SLC35F5: variants seen among roughly 807,000 people sequenced by gnomAD.
The protein encoded by SLC35F5 is HCV NS5A-transactivated protein 3.
In SLC35F5, 54 loss-of-function variants were observed where a neutral mutation model predicts 68.6. The ratio of observed to expected loss-of-function variants is 0.79; its 90% CI spans 0.63 to 0.99. The LOEUF is 0.99. Ranked by LOEUF, SLC35F5 falls within the 50% of genes least tolerant of loss-of-function variation. SLC35F5 has a pLI of 0.00. For synonymous variants in SLC35F5, 211 were observed against 205.2 expected, an observed-to-expected ratio of 1.03 and a Z score of -0.24; for missense variants, 567 against 626.9, an observed-to-expected ratio of 0.90 and a Z score of 1.02.
At position 113,723,162 on chromosome 2, in the gene SLC35F5, G is replaced by A. The variant is rs1360708570; in HGVS notation, c.1283C>T (p.Thr428Ile). Residue 428 changes from threonine to isoleucine, a missense_variant, in exon 13 of 16, where the codon ACA becomes ATA. Coordinates refer to ENST00000245680, the MANE Select transcript of SLC35F5 (RefSeq NM_025181.5). ...GCFLTSSLIGTLALSLTIPLS... is the reference protein window; with the variant it reads ...GCFLTSSLIGILALSLTIPLS... ...AGGTATTGTAAGGCTTAGTGCAAGT[G>A]TGCCTATCAATGATGAGGTAAGAAA... 7 of 1,591,072 alleles carry A rather than the reference G, an allele frequency of 4.4e-6. No individual in the cohort carries two copies. In the South Asian group the frequency reaches 8.2e-5, roughly 19 times the overall value.
intron 9 of SLC35F5, among the ~76,000 whole-genome samples, chr2:113,732,520 G>A (rs942561907): frequency 6.6e-6 from 1 of 152,100 alleles, no homozygotes; most frequent in Non-Finnish European, 1.5e-5. Context: ...ATTCCCTTAT[G>A]GAAAGATGTC....
At chr2:113,755,948 G>C in intron 1 of SLC35F5, 1 of 1,550,134 alleles carries the variant, frequency 6.5e-7, no homozygotes, top group Non-Finnish European at 8.7e-7. Context: ...AGTGGAATTT[G>C]GTTATCGGAG....
intron 3 of SLC35F5, among the ~76,000 whole-genome samples, chr2:113,753,184 T>TC (rs1311578884): frequency 5.2e-5 from 7 of 134,770 alleles, no homozygotes; most frequent in Non-Finnish European, 9.6e-5. Context: ...TTTTTTTTTT[T>TC]TTTTTTTTTT....
At chr2:113,744,465 T>C (rs1471404990) in intron 5 of SLC35F5, among the ~76,000 whole-genome samples, 2 of 152,150 alleles carry the variant, frequency 1.3e-5, no homozygotes, top group Non-Finnish European at 2.9e-5. Flanking sequence ...TTATAGAATA[T>C]GGCCGGCACA....
chr2:113,734,982 A>C (rs1011827849), intron 8 of SLC35F5, among the ~76,000 whole-genome samples: 3 of 152,202 alleles, frequency 2.0e-5, no homozygotes, highest in Non-Finnish European at 4.4e-5. Flanking sequence ...CATCATAATC[A>C]AGCCTGTGTC....
rs115149996 is a variant in SLC35F5, at chr2:113,723,942, T to C, written c.1251-748A>G. Among the ~76,000 whole-genome samples the C allele has an allele frequency of 3.3e-3, 496 of 152,292 alleles. 9 individuals are homozygous for C. The highest frequency in any genetic ancestry group is 0.011 in the African/African-American group (477 of 41,568). On this transcript the variant is annotated intron_variant, in intron 12 of 15. Transcript: ENST00000245680. Reference sequence around the variant, plus strand: ...TTTGGGCATATAAGGAGAAAATGAATTATAAGCCAAGATAAAACCATAATG... The same window carrying C: ...TTTGGGCATATAAGGAGAAAATGAACTATAAGCCAAGATAAAACCATAATG...
intron 3 of SLC35F5, among the ~76,000 whole-genome samples, chr2:113,754,849 T>C (rs946646298): frequency 6.6e-6 from 1 of 152,256 alleles, no homozygotes; most frequent in Non-Finnish European, 1.5e-5. Flanking sequence ...GTTATTTCAC[T>C]AGAAAATAAT....
intron 7 of SLC35F5, among the ~76,000 whole-genome samples, chr2:113,736,688 A>G (rs1688109945): frequency 6.6e-6 from 1 of 152,176 alleles, no homozygotes; most frequent in Admixed American, 6.5e-5. Flanking sequence ...TAATTTATTG[A>G]TTAATTGTGA....
In SLC35F5 at chr2:113,753,165, TTTC is replaced by T. The variant is rs1242194361; in HGVS notation, c.273+1997_273+1999del. Among the ~76,000 whole-genome samples, 94 of 132,056 alleles carry T rather than the reference TTTC, an allele frequency of 7.1e-4. 4 individuals are homozygous for T. In the East Asian group the frequency reaches 9.3e-3, roughly 13 times the overall value. 86.6% of individuals were successfully genotyped at this position (132,056 alleles called of 152,430 possible). ...ACACACTTTATCTCCAAAGTTTGTT[TTTC>T]TTTTTTTTTTTTTTTTTTTTTTTTT... is the stretch of plus-strand genomic sequence containing the variant. On this transcript the variant is annotated intron_variant, in intron 3 of 15. Transcript: ENST00000245680.
intron 10 of SLC35F5, among the ~76,000 whole-genome samples, chr2:113,730,644 G>A (rs1687846138): frequency 6.6e-6 from 1 of 152,180 alleles, no homozygotes; most frequent in South Asian, 2.1e-4. Flanking sequence ...ATGCTGCCCA[G>A]GCTGGTATTG....
rs562443908 is a variant in SLC35F5 at position 113,734,758 on chromosome 2, C to A, written c.833-85G>T. 3.0e-5 allele frequency: 22 copies of A among 735,844 alleles called. No individual in the cohort carries two copies. The African/African-American group carries it at 3.2e-4, about 11-fold the overall frequency. The allele number at this position is 735,844 out of a possible 1,614,324, so 45.6% of individuals were successfully genotyped here. On this transcript the variant is annotated intron_variant, in intron 8 of 15. Coordinates refer to ENST00000245680, the MANE Select transcript of SLC35F5 (RefSeq NM_025181.5). Reference sequence around the variant, plus strand: ...CTACCAACTTCATTGTTTAAATAAGCAAATTATATACCTACCTTTCAAATT... The same window carrying A: ...CTACCAACTTCATTGTTTAAATAAGAAAATTATATACCTACCTTTCAAATT...
intron 4 of SLC35F5, among the ~76,000 whole-genome samples, chr2:113,747,977 A>C (rs1249392972): frequency 2.0e-5 from 3 of 152,068 alleles, no homozygotes; most frequent in African/African-American, 7.2e-5. Context: ...CTGTAATCCC[A>C]GCTACTTAGG....
chr2:113,720,219 A>C (rs1380878512), intron 13 of SLC35F5, among the ~76,000 whole-genome samples: 1 of 151,982 alleles, frequency 6.6e-6, no homozygotes, highest in Non-Finnish European at 1.5e-5. Flanking sequence ...TCAACCACTG[A>C]GACTTAAGTG....
Position 113,729,488 on chromosome 2 carries a change from C to T in SLC35F5, c.1003G>A (p.Ala335Thr). ...RDTVGSIWSL[A>T]GAMLYAVYIV... is the part of the protein sequence containing the mutation. ...TAGACAGCATAGAGCATGGCTCCAG[C>T]AAGAGACCAAATGGAACCTGTAAAA... is the stretch of plus-strand genomic sequence containing the variant. Residue 335 changes from alanine (A) to threonine (T), a missense_variant, in exon 11 of 16, where the codon GCT (alanine) becomes ACT (threonine). Coordinates refer to ENST00000245680, the MANE Select transcript of SLC35F5 (RefSeq NM_025181.5). The T allele has an allele frequency of 6.3e-7, 1 of 1,587,074 alleles. No individual in the cohort carries two copies. Among genetic ancestry groups the T allele is most frequent in the Non-Finnish European group, 8.6e-7 (1 of 1,165,650 alleles).
intron 1 of SLC35F5, chr2:113,756,128 T>C: frequency 2.8e-6 from 4 of 1,445,752 alleles, no homozygotes; most frequent in Non-Finnish European, 3.6e-6. Flanking sequence ...GGAAGACAGT[T>C]AAGGCAGCGA....
At chr2:113,722,039 A>T (rs187495638) in intron 13 of SLC35F5, among the ~76,000 whole-genome samples, 1,505 of 129,900 alleles carry the variant, frequency 0.012, 23 homozygotes, top group Non-Finnish European at 0.014. Flanking sequence ...CAGTGGCATG[A>T]TCTTGGCTCA....
chr2:113,748,719 C>G (rs887312722), intron 4 of SLC35F5, among the ~76,000 whole-genome samples: 2 of 152,100 alleles, frequency 1.3e-5, no homozygotes, highest in Admixed American at 1.3e-4. Context: ...AAAATACATA[C>G]TCATATTTTT....
intron 7 of SLC35F5, among the ~76,000 whole-genome samples, chr2:113,737,377 A>G (rs1219884374): frequency 6.6e-6 from 1 of 152,202 alleles, no homozygotes; most frequent in African/African-American, 2.4e-5. Flanking sequence ...CAATCCTTTG[A>G]TTTCCTAGAT....
intron 15 of SLC35F5, 130 bp downstream of exon 15, chr2:113,717,623 G>A (rs767508871): frequency 1.8e-6 from 1 of 570,864 alleles, no homozygotes. Flanking sequence ...CGGAACTGGA[G>A]TCCAGGCTTT....
Sources: gnomAD v4.1 joint callset for allele counts (sites outside exome capture counted in the v4.1 genomes callset) on GRCh38, gnomAD v4.1.1 for gene constraint, MANE v1.5 for transcripts, NCBI Gene and HGNC (gene_info 2026-07-23, HGNC 2026-07-21) for gene names.